The following MARK1 variants were observed in gnomAD, a reference collection of about 807,000 sequenced individuals.
MARK1 encodes the protein serine/threonine-protein kinase MARK1.
In MARK1, 40 loss-of-function variants were observed where a neutral mutation model predicts 96.3. The ratio of observed to expected loss-of-function variants is 0.42; its 90% CI spans 0.32 to 0.54. The LOEUF is 0.54. Among genes scored for constraint, MARK1 ranks in the 20% least tolerant of loss-of-function variants. The pLI, the probability that MARK1 is intolerant of heterozygous loss-of-function variation, is 0.16. For missense variants in MARK1, 719 were observed against 984.6 expected (o/e 0.73, Z 3.61); for synonymous variants, 317 against 341.2 (o/e 0.93, Z 0.78).
At chr1:220,547,257 G>A (rs1388351048) in intron 1 of MARK1, among the ~76,000 whole-genome samples, 2 of 152,110 alleles carry the variant, frequency 1.3e-5, no homozygotes, top group African/African-American at 4.8e-5. Flanking sequence ...AGAACTAAAA[G>A]GAAATAAAGT....
chr1:220,541,764 G>T (rs1661166636), intron 1 of MARK1, among the ~76,000 whole-genome samples: 2 of 152,126 alleles, frequency 1.3e-5, no homozygotes, highest in Non-Finnish European at 2.9e-5. Context: ...TTTTTAGCCT[G>T]TGGGTGTCCT....
At chr1:220,598,788 G>C (rs957856405) in intron 4 of MARK1, among the ~76,000 whole-genome samples, 1 of 152,058 alleles carries the variant, frequency 6.6e-6, no homozygotes, top group African/African-American at 2.4e-5. Flanking sequence ...GAGTTCAGGA[G>C]TTTGAGACCA....
chr1:220,564,523 T>C (rs1410849246), intron 1 of MARK1, among the ~76,000 whole-genome samples: 1 of 152,194 alleles, frequency 6.6e-6, no homozygotes, highest in Admixed American at 6.5e-5. Context: ...GTTTTCTCTA[T>C]ATATTATCCA....
At chr1:220,641,371 C>T (rs888036843) in intron 13 of MARK1, among the ~76,000 whole-genome samples, 5 of 152,156 alleles carry the variant, frequency 3.3e-5, no homozygotes, top group Admixed American at 3.3e-4. Flanking sequence ...CCCAAGGGAG[C>T]TTGTTCTACC....
intron 13 of MARK1, among the ~76,000 whole-genome samples, chr1:220,640,143 CTGAACAAA>C (rs1349042098): frequency 6.6e-6 from 1 of 152,140 alleles, no homozygotes; most frequent in Non-Finnish European, 1.5e-5. Context: ...AAAATATTGC[CTGAACAAA>C]TGAACATTTT....
intron 3 of MARK1, among the ~76,000 whole-genome samples, chr1:220,594,988 A>G (rs1665236677): frequency 6.6e-6 from 1 of 152,174 alleles, no homozygotes; most frequent in African/African-American, 2.4e-5. Context: ...AAGAGTGAAC[A>G]GTAATGTAAA....
intron 1 of MARK1, among the ~76,000 whole-genome samples, chr1:220,542,503 T>A (rs189759581): frequency 6.6e-5 from 10 of 152,266 alleles, no homozygotes; most frequent in African/African-American, 2.4e-4. Context: ...GGGCCTAAAT[T>A]GAGGATGCTT....
intron 9 of MARK1, among the ~76,000 whole-genome samples, chr1:220,622,757 A>G (rs1251473372): frequency 6.6e-6 from 1 of 152,062 alleles, no homozygotes; most frequent in Non-Finnish European, 1.5e-5. Flanking sequence ...GGTGTCACAC[A>G]TCCTGTAGTC....
At position 220,650,715 on chromosome 1, in the gene MARK1, CA is replaced by C; in HGVS notation, c.1567del (p.Ser523AlafsTer8). 1 of 1,611,388 alleles carries C rather than the reference CA, an allele frequency of 6.2e-7. No homozygotes were observed. Among genetic ancestry groups the C allele is most frequent in the Non-Finnish European group, 8.5e-7 (1 of 1,177,794 alleles). On this transcript the variant is annotated frameshift_variant, in exon 14 of 18. Coordinates refer to ENST00000366917, the MANE Select transcript of MARK1 (RefSeq NM_018650.5). LOFTEE classifies it high-confidence loss of function. ...RYVALQNGKD[S>X]SLTEMSVSSI... The stretch of plus-strand genomic sequence containing the variant: ...ACGTAGCATTGCAGAATGGAAAAGA[CA>C]GCAGGTAAATGCCACAGTGCCAAGT...
At chr1:220,629,346 GA>G (rs1404336049) in intron 9 of MARK1, among the ~76,000 whole-genome samples, 2 of 147,306 alleles carry the variant, frequency 1.4e-5, no homozygotes, top group Non-Finnish European at 3.0e-5. Context: ...TTCTCTACAA[GA>G]TTGCCTTTTT....
chr1:220,651,755 G>A (rs183505490), intron 14 of MARK1, among the ~76,000 whole-genome samples: 2 of 152,208 alleles, frequency 1.3e-5, no homozygotes, highest in Admixed American at 6.5e-5. Flanking sequence ...TAGTGTGTGT[G>A]AGATTTTTTT....
At chr1:220,577,839 C>T (rs1355648414) in intron 1 of MARK1, among the ~76,000 whole-genome samples, 1 of 152,116 alleles carries the variant, frequency 6.6e-6, no homozygotes, top group East Asian at 1.9e-4. Flanking sequence ...TGCTGTGATA[C>T]GTGGAAGTAC....
chr1:220,540,696 C>G (rs1661079238), intron 1 of MARK1, among the ~76,000 whole-genome samples: 1 of 146,204 alleles, frequency 6.8e-6, no homozygotes, highest in African/African-American at 2.5e-5. Context: ...TTTCCTCTTT[C>G]ATTTCTGATT....
At chr1:220,548,665 G>C (rs1252680758) in intron 1 of MARK1, among the ~76,000 whole-genome samples, 1 of 152,144 alleles carries the variant, frequency 6.6e-6, no homozygotes, top group African/African-American at 2.4e-5. Context: ...CTTGAACCTG[G>C]GAGGCAGAGA....
At chr1:220,608,718 C>A (rs1418462544) in intron 6 of MARK1, among the ~76,000 whole-genome samples, 1 of 152,186 alleles carries the variant, frequency 6.6e-6, no homozygotes, top group Non-Finnish European at 1.5e-5. Context: ...CCTCTACACA[C>A]TGCTTTAAAT....
intron 9 of MARK1, among the ~76,000 whole-genome samples, chr1:220,619,317 A>T (rs1338143418): frequency 6.6e-6 from 1 of 152,142 alleles, no homozygotes; most frequent in Non-Finnish European, 1.5e-5. Flanking sequence ...TACTAAAAAT[A>T]CAAAAAATTA....
chr1:220,542,617 C>T (rs1661221006), intron 1 of MARK1, among the ~76,000 whole-genome samples: 2 of 152,188 alleles, frequency 1.3e-5, no homozygotes, highest in Non-Finnish European at 2.9e-5. Flanking sequence ...AGCTCTCTCA[C>T]CCTGTAGTGA....
intron 1 of MARK1, among the ~76,000 whole-genome samples, chr1:220,576,945 G>A (rs1445744652): frequency 2.6e-5 from 4 of 152,122 alleles, no homozygotes; most frequent in Non-Finnish European, 4.4e-5. Flanking sequence ...CTGTGTGGAG[G>A]AGATACTCAT....
At chr1:220,535,548 T>C (rs1304146808) in intron 1 of MARK1, among the ~76,000 whole-genome samples, 1 of 152,162 alleles carries the variant, frequency 6.6e-6, no homozygotes, top group East Asian at 1.9e-4. Flanking sequence ...TTTGCTTTTG[T>C]TGGCTGTGCT....
Sources: allele counts gnomAD v4.1 joint callset (sites outside exome capture counted in the v4.1 genomes callset), GRCh38; gene constraint gnomAD v4.1.1; transcripts MANE v1.5; gene names NCBI Gene and HGNC (gene_info 2026-07-23, HGNC 2026-07-21).